FAT3: variants seen among roughly 807,000 people sequenced by gnomAD.
The protein encoded by FAT3 is FAT atypical cadherin 3.
A neutral mutation model predicts 310.2 loss-of-function variants in FAT3; 95 were observed. That is an observed-to-expected ratio of 0.31 (90% confidence interval 0.26 to 0.36). The LOEUF is 0.36. Among genes scored for constraint, FAT3 ranks in the 10% least tolerant of loss-of-function variants. The probability of loss-of-function intolerance (pLI) is 1.00; values close to 1 mark genes in which losing one functional copy is unlikely to be tolerated. For synonymous variants in FAT3, 2,314 were observed against 2,192.9 expected (o/e 1.06, Z -1.54); for missense variants, 5,408 against 5,715.6 (o/e 0.95, Z 1.74).
At chr11:92,464,961 C>T (rs933755889) in intron 2 of FAT3, among the ~76,000 whole-genome samples, 2 of 152,102 alleles carry the variant, frequency 1.3e-5, no homozygotes, top group East Asian at 3.9e-4. Flanking sequence ...AGATCATAGA[C>T]CTTGCATTTT....
intron 6 of FAT3, among the ~76,000 whole-genome samples, chr11:92,772,666 C>T (rs1216760167): frequency 3.9e-5 from 6 of 152,050 alleles, no homozygotes; most frequent in African/African-American, 9.7e-5. Context: ...CTGATACTCT[C>T]GTATCTCCGT....
intron 3 of FAT3, among the ~76,000 whole-genome samples, chr11:92,693,870 C>T (rs1433231664): frequency 6.6e-6 from 1 of 152,188 alleles, no homozygotes; most frequent in African/African-American, 2.4e-5. Context: ...CATGGACAAG[C>T]CCAATCAGCT....
At chr11:92,599,228 G>T (rs1345698576) in intron 3 of FAT3, among the ~76,000 whole-genome samples, 1 of 152,154 alleles carries the variant, frequency 6.6e-6, no homozygotes, top group East Asian at 1.9e-4. Flanking sequence ...TCACAGTTTT[G>T]CATGGCTGGG....
At chr11:92,263,021 C>G (rs1019205752) in intron 1 of FAT3, among the ~76,000 whole-genome samples, 4 of 151,492 alleles carry the variant, frequency 2.6e-5, no homozygotes, top group South Asian at 4.2e-4. Context: ...TACTTTGTAG[C>G]TGGATGCTAT....
At chr11:92,518,562 A>G (rs1953572771) in intron 2 of FAT3, among the ~76,000 whole-genome samples, 3 of 152,064 alleles carry the variant, frequency 2.0e-5, no homozygotes, top group Non-Finnish European at 4.4e-5. Context: ...CCTAATGTAG[A>G]TGACAGGTTA....
chr11:92,410,198 A>C (rs767804256), intron 2 of FAT3, among the ~76,000 whole-genome samples: 3 of 152,016 alleles, frequency 2.0e-5, no homozygotes, highest in Non-Finnish European at 4.4e-5. Flanking sequence ...AATTCTACAA[A>C]TCCAGAAGTC....
chr11:92,312,708 C>T (rs1466172547), intron 1 of FAT3, among the ~76,000 whole-genome samples: 1 of 152,142 alleles, frequency 6.6e-6, no homozygotes, highest in Admixed American at 6.5e-5. Context: ...GAGCGTGCTT[C>T]TTGGATAATA....
At chr11:92,582,314 G>C (rs1591482494) in intron 3 of FAT3, among the ~76,000 whole-genome samples, 1 of 151,866 alleles carries the variant, frequency 6.6e-6, no homozygotes, top group Non-Finnish European at 1.5e-5. Context: ...AGTCCAGTAG[G>C]TTTCAGCCTC....
rs146986526 is a variant in FAT3, at chr11:92,345,945, T to C, written c.-17-6151T>C. ...GACTTTACATGGCTTTGGCTCAGTA[T>C]TTCATTATATAATGTGAATAATGGC... On this transcript the variant is annotated intron_variant, in intron 1 of 27. Transcript: ENST00000525166. Among the ~76,000 whole-genome samples, 682 of 152,322 alleles carry C rather than the reference T, an allele frequency of 4.5e-3. 9 individuals carry two copies. The highest frequency in any genetic ancestry group is 0.016 in the African/African-American group (645 of 41,580).
chr11:92,467,986 A>G (rs1169137994), intron 2 of FAT3, among the ~76,000 whole-genome samples: 1 of 152,246 alleles, frequency 6.6e-6, no homozygotes, highest in African/African-American at 2.4e-5. Context: ...AGTCACATAT[A>G]TAACATATGC....
At chr11:92,305,328 C>G (rs144338777) in intron 1 of FAT3, among the ~76,000 whole-genome samples, 1 of 151,932 alleles carries the variant, frequency 6.6e-6, no homozygotes, top group Non-Finnish European at 1.5e-5. Context: ...CCCTCCTTAC[C>G]GTAGAATTCT....
At chr11:92,640,670 T>C (rs1941924872) in intron 3 of FAT3, among the ~76,000 whole-genome samples, 1 of 152,204 alleles carries the variant, frequency 6.6e-6, no homozygotes, top group Admixed American at 6.5e-5. Context: ...TTAATACTTA[T>C]TTTATGAATG....
chr11:92,470,875 A>T (rs535740037), intron 2 of FAT3, among the ~76,000 whole-genome samples: 1 of 152,324 alleles, frequency 6.6e-6, no homozygotes, highest in Admixed American at 6.5e-5. Context: ...ATTATTTCAT[A>T]TCCTTCATAG....
intron 1 of FAT3, among the ~76,000 whole-genome samples, chr11:92,309,283 T>C (rs562390783): frequency 5.8e-4 from 87 of 150,540 alleles, no homozygotes; most frequent in Non-Finnish European, 1.0e-3. Flanking sequence ...ATCCTAGAGC[T>C]CTCCCCCCAG....
At chr11:92,541,767 A>T (rs1357249632) in intron 3 of FAT3, among the ~76,000 whole-genome samples, 1 of 152,050 alleles carries the variant, frequency 6.6e-6, no homozygotes, top group Non-Finnish European at 1.5e-5. Context: ...TTTTAATGCG[A>T]TTTGATATGT....
chr11:92,630,517 G>C (rs1591540935), intron 3 of FAT3, among the ~76,000 whole-genome samples: 1 of 152,120 alleles, frequency 6.6e-6, no homozygotes, highest in Admixed American at 6.5e-5. Context: ...AGCTCCTTAG[G>C]CTCAGCTTGT....
chr11:92,351,052 A>G (rs1043135631), intron 1 of FAT3, among the ~76,000 whole-genome samples: 2 of 152,196 alleles, frequency 1.3e-5, no homozygotes, highest in Non-Finnish European at 2.9e-5. Flanking sequence ...TTTAACCCAC[A>G]TAGTCATGAA....
intron 7 of FAT3, among the ~76,000 whole-genome samples, chr11:92,789,321 A>G (rs1232269540): frequency 6.6e-6 from 1 of 152,194 alleles, no homozygotes; most frequent in Non-Finnish European, 1.5e-5. Context: ...TCATTACACT[A>G]TTTTATATTT....
intron 2 of FAT3, among the ~76,000 whole-genome samples, chr11:92,462,265 C>G (rs1000357218): frequency 1.3e-5 from 2 of 151,974 alleles, no homozygotes; most frequent in Non-Finnish European, 2.9e-5. Flanking sequence ...ATTATTTCAT[C>G]ATCCAGGGAG....
Sources: gnomAD v4.1 joint callset for allele counts (sites outside exome capture counted in the v4.1 genomes callset) on GRCh38, gnomAD v4.1.1 for gene constraint, MANE v1.5 for transcripts, NCBI Gene and HGNC (gene_info 2026-07-23, HGNC 2026-07-21) for gene names.